The following PIK3CB variants were observed in gnomAD, a reference collection of about 807,000 sequenced individuals.
PIK3CB encodes the protein phosphatidylinositol 4,5-bisphosphate 3-kinase catalytic subunit beta isoform.
In PIK3CB, 39 loss-of-function variants were observed where a neutral mutation model predicts 136.8. The ratio of observed to expected loss-of-function variants is 0.29; its 90% confidence interval spans 0.22 to 0.37. PIK3CB has a LOEUF of 0.37. Among genes scored for constraint, PIK3CB ranks in the 10% least tolerant of loss-of-function variants. The pLI, the probability that PIK3CB is intolerant of heterozygous loss-of-function variation, is 1.00. For missense variants in PIK3CB, 868 were observed against 1,275.4 expected (o/e 0.68, Z 4.87); for synonymous variants, 428 against 436.6 (o/e 0.98, Z 0.25).
rs563532232 is a variant in PIK3CB at position 138,699,574 on chromosome 3, G to T, written c.1582-479C>A. The stretch of plus-strand genomic sequence containing the variant: ...GACTAGAAGACTGATTACAAACAGG[G>T]GATTGAGCAAATAAGTAAATACACC... On this transcript the variant is annotated intron_variant, in intron 12 of 23. Coordinates refer to ENST00000674063, the MANE Select transcript of PIK3CB (RefSeq NM_006219.3). Among the ~76,000 whole-genome samples, 169 of 152,092 alleles carry T rather than the reference G, an allele frequency of 1.1e-3. 1 individual carries two copies. Among genetic ancestry groups the T allele is most frequent in the African/African-American group, 4.0e-3 (166 of 41,468 alleles).
intron 1 of PIK3CB, among the ~76,000 whole-genome samples, chr3:138,826,795 G>A (rs564484484): frequency 6.6e-6 from 1 of 152,128 alleles, no homozygotes; most frequent in Non-Finnish European, 1.5e-5. Flanking sequence ...CTGGCCAGGC[G>A]CAGTGGCTTA....
chr3:138,780,666 C>CT (rs1224087992), intron 2 of PIK3CB, among the ~76,000 whole-genome samples: 1 of 151,866 alleles, frequency 6.6e-6, no homozygotes, highest in African/African-American at 2.4e-5. Flanking sequence ...TGTCTTTTTT[C>CT]TTTTTTTCTC....
At chr3:138,805,654 A>G (rs1461643270) in intron 1 of PIK3CB, among the ~76,000 whole-genome samples, 1 of 151,944 alleles carries the variant, frequency 6.6e-6, no homozygotes, top group Non-Finnish European at 1.5e-5. Context: ...CCTGGGCCAC[A>G]GAGCGAGACT....
intron 12 of PIK3CB, among the ~76,000 whole-genome samples, chr3:138,702,505 T>C (rs2044276500): frequency 6.6e-6 from 1 of 152,202 alleles, no homozygotes; most frequent in Non-Finnish European, 1.5e-5. Context: ...TACAAGTTTA[T>C]GGTGGAAATA....
At chr3:138,776,050 T>C (rs2045853965) in intron 2 of PIK3CB, among the ~76,000 whole-genome samples, 1 of 151,880 alleles carries the variant, frequency 6.6e-6, no homozygotes, top group African/African-American at 2.4e-5. Flanking sequence ...ATACAAAAAT[T>C]AGCCGGGCGT....
intron 15 of PIK3CB, among the ~76,000 whole-genome samples, chr3:138,690,551 C>T (rs1295547886): frequency 6.6e-6 from 1 of 151,968 alleles, no homozygotes; most frequent in Non-Finnish European, 1.5e-5. Flanking sequence ...TTATAGTATA[C>T]CTTTACCTTC....
chr3:138,685,011 C>T, intron 16 of PIK3CB: 1 of 463,682 alleles, frequency 2.2e-6, no homozygotes, highest in African/African-American at 2.0e-5. Context: ...GCATCATTTT[C>T]AAACTTTCTT....
chr3:138,701,655 C>A (rs975785139), intron 12 of PIK3CB, among the ~76,000 whole-genome samples: 3 of 151,664 alleles, frequency 2.0e-5, no homozygotes, highest in African/African-American at 7.3e-5. Context: ...CATGGTGGCG[C>A]ATGCCTGTAG....
At position 138,756,133 on chromosome 3, in the gene PIK3CB, A is replaced by C. The variant is rs994388868; in HGVS notation, c.172-154T>G. On this transcript the variant is annotated intron_variant, in intron 3 of 23. Transcript: ENST00000674063. ...AAAGATTGGTTAAATGAATTATAGA[A>C]TATTACAGAATGGTGAAAATAATAG... 2.0e-5 allele frequency among the ~76,000 whole-genome samples: 3 copies of C among 152,212 alleles called. No individual in the cohort carries two copies. Among genetic ancestry groups the C allele is most frequent in the Non-Finnish European group, 2.9e-5 (2 of 68,034 alleles).
chr3:138,713,790 G>C (rs911016001), intron 9 of PIK3CB, among the ~76,000 whole-genome samples: 2 of 152,074 alleles, frequency 1.3e-5, no homozygotes, highest in African/African-American at 4.8e-5. Context: ...AAAGCAAGAA[G>C]AAAGTGAAAC....
chr3:138,772,874 C>T (rs1042961004), intron 2 of PIK3CB, among the ~76,000 whole-genome samples: 1 of 150,682 alleles, frequency 6.6e-6, no homozygotes, highest in African/African-American at 2.4e-5. Flanking sequence ...CAACCTCAGC[C>T]TCCCAGGTTC....
intron 1 of PIK3CB, chr3:138,825,442 T>C: frequency 2.9e-6 from 2 of 695,380 alleles, no homozygotes; most frequent in Non-Finnish European, 5.2e-6. Context: ...CCAATACAGA[T>C]ATGAGGAAAT....
chr3:138,774,308 G>A (rs1046034731), intron 2 of PIK3CB, among the ~76,000 whole-genome samples: 1 of 152,226 alleles, frequency 6.6e-6, no homozygotes, highest in East Asian at 1.9e-4. Flanking sequence ...TCTTTTGTAA[G>A]AGGTGGGGGT....
chr3:138,793,839 GT>G (rs1390133304), intron 2 of PIK3CB, among the ~76,000 whole-genome samples: 6 of 152,178 alleles, frequency 3.9e-5, no homozygotes, highest in African/African-American at 1.4e-4. Context: ...GAGCAACATA[GT>G]GAGGCACCAT....
intron 1 of PIK3CB, 135 bp from the exon 2 acceptor site, chr3:138,796,702 C>T (rs561504407): frequency 6.6e-6 from 1 of 152,226 alleles, no homozygotes; most frequent in African/African-American, 2.4e-5. Context: ...TCTAATGAGG[C>T]TGAAGATCTT....
At chr3:138,825,854 G>A in intron 1 of PIK3CB, 1 of 1,365,442 alleles carries the variant, frequency 7.3e-7, no homozygotes, top group East Asian at 2.3e-5. Context: ...AGCTCTTCCT[G>A]CAGACAATGT....
At chr3:138,821,724 G>C (rs541094081) in intron 1 of PIK3CB, among the ~76,000 whole-genome samples, 1 of 152,072 alleles carries the variant, frequency 6.6e-6, no homozygotes, top group Non-Finnish European at 1.5e-5. Context: ...GGGAGAGGTT[G>C]CAGTGAGCCG....
intron 7 of PIK3CB, among the ~76,000 whole-genome samples, 166 bp from the exon 8 acceptor site, chr3:138,733,604 C>T (rs1225889064): frequency 6.6e-6 from 1 of 152,086 alleles, no homozygotes; most frequent in African/African-American, 2.4e-5. Context: ...ATTGACCGGG[C>T]GCGGTGGCTC....
At chr3:138,662,380 T>G (rs1577041911) in intron 21 of PIK3CB, among the ~76,000 whole-genome samples, 1 of 150,166 alleles carries the variant, frequency 6.7e-6, no homozygotes, top group South Asian at 2.1e-4. Context: ...TTTGTCCTTG[T>G]GATAGTTTAC....
Sources: allele counts gnomAD v4.1 joint callset (sites outside exome capture counted in the v4.1 genomes callset), GRCh38; gene constraint gnomAD v4.1.1; transcripts MANE v1.5; gene names NCBI Gene and HGNC (gene_info 2026-07-23, HGNC 2026-07-21).